UBE2E2: variants seen among roughly 807,000 people sequenced by gnomAD.
The protein encoded by UBE2E2 is ubiquitin-conjugating enzyme E2 E2.
In UBE2E2, 6 loss-of-function variants were observed where a neutral mutation model predicts 24.7. The ratio of observed to expected loss-of-function variants is 0.24; its 90% confidence interval spans 0.13 to 0.48. The LOEUF is 0.48. Among genes scored for constraint, UBE2E2 ranks in the 20% least tolerant of loss-of-function variants. The pLI is 0.99. For missense variants in UBE2E2, 169 were observed against 245.0 expected (o/e 0.69, Z 2.07); for synonymous variants, 104 against 83.6 (o/e 1.24, Z -1.33).
chr3:23,371,079 G>A (rs1696386737), intron 3 of UBE2E2, among the ~76,000 whole-genome samples: 1 of 152,096 alleles, frequency 6.6e-6, no homozygotes, highest in Non-Finnish European at 1.5e-5. Context: ...GCCTAGGCTT[G>A]AGTGCAGTGA....
At chr3:23,431,328 G>T (rs116881858) in intron 3 of UBE2E2, among the ~76,000 whole-genome samples, 1 of 152,126 alleles carries the variant, frequency 6.6e-6, no homozygotes, top group South Asian at 2.1e-4. Flanking sequence ...TGTGATTGAG[G>T]TCCACTGGGG....
At chr3:23,328,851 G>A (rs994688211) in intron 3 of UBE2E2, among the ~76,000 whole-genome samples, 1 of 151,880 alleles carries the variant, frequency 6.6e-6, no homozygotes, top group Non-Finnish European at 1.5e-5. Flanking sequence ...TTGTAGAGAC[G>A]GGGTTTCACC....
chr3:23,357,431 G>A (rs1695988518), intron 3 of UBE2E2, among the ~76,000 whole-genome samples: 1 of 152,034 alleles, frequency 6.6e-6, no homozygotes. Context: ...ATGTATATCT[G>A]CATACACATA....
At chr3:23,298,361 G>A (rs1192316393) in intron 3 of UBE2E2, among the ~76,000 whole-genome samples, 2 of 151,906 alleles carry the variant, frequency 1.3e-5, no homozygotes. Context: ...TCCCTGTCTT[G>A]TGCCAGTTTT....
chr3:23,564,821 G>A (rs1318906745), intron 5 of UBE2E2, among the ~76,000 whole-genome samples: 1 of 152,126 alleles, frequency 6.6e-6, no homozygotes, highest in African/African-American at 2.4e-5. Flanking sequence ...TTAAAGTAGT[G>A]TAATATAAAT....
At chr3:23,420,682 G>T (rs1418073000) in intron 3 of UBE2E2, among the ~76,000 whole-genome samples, 1 of 152,192 alleles carries the variant, frequency 6.6e-6, no homozygotes, top group Non-Finnish European at 1.5e-5. Flanking sequence ...CACTTGTAAA[G>T]AGGCAAGAAT....
At chr3:23,283,156 G>A (rs995529590) in intron 3 of UBE2E2, among the ~76,000 whole-genome samples, 1 of 152,070 alleles carries the variant, frequency 6.6e-6, no homozygotes, top group African/African-American at 2.4e-5. Flanking sequence ...ACTTGCTCCT[G>A]TAAGTTCAGG....
intron 5 of UBE2E2, among the ~76,000 whole-genome samples, chr3:23,544,209 G>A (rs1015963987): frequency 3.3e-4 from 50 of 152,102 alleles, no homozygotes; most frequent in Middle Eastern, 6.8e-3. Context: ...AAATAAATGG[G>A]ACCCAATTAA....
chr3:23,563,670 A>G (rs1287572120), intron 5 of UBE2E2, among the ~76,000 whole-genome samples: 1 of 152,116 alleles, frequency 6.6e-6, no homozygotes, highest in Non-Finnish European at 1.5e-5. Context: ...TCTGTATTGC[A>G]TCCTTTAAAG....
At chr3:23,467,443 G>A (rs993679880) in intron 3 of UBE2E2, among the ~76,000 whole-genome samples, 3 of 152,150 alleles carry the variant, frequency 2.0e-5, no homozygotes, top group Admixed American at 2.0e-4. Context: ...ACTGGGTCTC[G>A]ACTTCTCACT....
chr3:23,319,155 A>C (rs532192125), intron 3 of UBE2E2, among the ~76,000 whole-genome samples: 22 of 152,318 alleles, frequency 1.4e-4, no homozygotes, highest in Admixed American at 1.1e-3. Flanking sequence ...AGTTAATCCA[A>C]ATTGATCCTG....
chr3:23,515,258 A>AT, intron 4 of UBE2E2, among the ~76,000 whole-genome samples: 1 of 152,054 alleles, frequency 6.6e-6, no homozygotes, highest in East Asian at 1.9e-4. Flanking sequence ...ATAGGTTTGA[A>AT]TTTTTTTAAT....
At chr3:23,524,460 A>G (rs148496060) in intron 4 of UBE2E2, among the ~76,000 whole-genome samples, 1 of 152,318 alleles carries the variant, frequency 6.6e-6, no homozygotes, top group African/African-American at 2.4e-5. Flanking sequence ...TACTGTGGGT[A>G]TAGCTGTTAT....
intron 4 of UBE2E2, among the ~76,000 whole-genome samples, chr3:23,518,168 C>G (rs1694784966): frequency 6.6e-6 from 1 of 151,930 alleles, no homozygotes; most frequent in South Asian, 2.1e-4. Flanking sequence ...GCTTTGGAAG[C>G]CGTGGAATGT....
chr3:23,332,673 GGGT>G (rs1297333080), intron 3 of UBE2E2, among the ~76,000 whole-genome samples: 48 of 80,590 alleles, frequency 6.0e-4, no homozygotes, highest in East Asian at 1.9e-3. Context: ...GCAGCCAGTG[GGGT>G]GTGTGTGTGT....
intron 3 of UBE2E2, among the ~76,000 whole-genome samples, chr3:23,455,015 C>T (rs904430824): frequency 1.3e-5 from 2 of 152,194 alleles, no homozygotes; most frequent in African/African-American, 2.4e-5. Context: ...ACTGGATTAT[C>T]ATGTCTTCCT....
chr3:23,390,599 C>T (rs1411266347), intron 3 of UBE2E2, among the ~76,000 whole-genome samples: 2 of 152,252 alleles, frequency 1.3e-5, no homozygotes, highest in Admixed American at 6.5e-5. Flanking sequence ...CTTCCTGACT[C>T]TCCACTGAGC....
rs1695154087 is a variant in UBE2E2 at position 23,532,809 on chromosome 3, T to C, written c.508+108T>C. On this transcript the variant is annotated intron_variant, in intron 5 of 5. Transcript: ENST00000396703. ...CTACCACTACCACCACTGCTTCTACTACTATTATTGTTAAATTTTCATAGT... is the reference window on the plus strand; with the variant it reads ...CTACCACTACCACCACTGCTTCTACCACTATTATTGTTAAATTTTCATAGT... 9 of 1,036,404 alleles carry C rather than the reference T, an allele frequency of 8.7e-6. No individual in the cohort carries two copies. In the South Asian group the frequency reaches 1.1e-4, roughly 12 times the overall value. 64.2% of individuals were successfully genotyped at this position (1,036,404 alleles called of 1,614,324 possible).
chr3:23,218,367 G>A lies in UBE2E2; in HGVS notation c.227+1055G>A, dbSNP rs946558116. Reference sequence around the variant, plus strand: ...AAATATTTCTTTGTTAGGTAAAACCGTTTAACCTAAGACTTTTTGTCACTC... The same window carrying A: ...AAATATTTCTTTGTTAGGTAAAACCATTTAACCTAAGACTTTTTGTCACTC... On this transcript the variant is annotated intron_variant, in intron 3 of 5. Transcript: ENST00000396703. Among the ~76,000 whole-genome samples, 10 of 151,652 alleles carry A rather than the reference G, an allele frequency of 6.6e-5. 1 individual carries two copies. Among genetic ancestry groups the A allele is most frequent in the South Asian group, 4.1e-4 (2 of 4,824 alleles).
Sources: gnomAD v4.1 joint callset for allele counts (sites outside exome capture counted in the v4.1 genomes callset) on GRCh38, gnomAD v4.1.1 for gene constraint, MANE v1.5 for transcripts, NCBI Gene and HGNC (gene_info 2026-07-23, HGNC 2026-07-21) for gene names.